Variants in ZNF846 observed in about 807,000 individuals in gnomAD.
ZNF846 encodes the protein zinc finger protein 846.
ZNF846 carries 15 observed loss-of-function variants against 16.0 expected under a neutral mutation model. That is an observed-to-expected ratio of 0.94 (90% CI 0.63 to 1.45). The LOEUF (loss-of-function observed/expected upper bound fraction) is 1.45. ZNF846 is among the 40% of genes most tolerant of loss of function. The pLI, the probability that ZNF846 is intolerant of heterozygous loss-of-function variation, is 0.00. For synonymous variants in ZNF846, 229 were observed against 212.0 expected (o/e 1.08, Z -0.70); for missense variants, 714 against 622.3 (o/e 1.15, Z -1.57).
exon 6 of ZNF846, chr19:9,757,622 T>G: frequency 1.2e-6 from 2 of 1,613,688 alleles, no homozygotes; most frequent in Middle Eastern, 3.3e-4. Flanking sequence ...ACCTGAAGGC[T>G]TTCCCACATT....
chr19:9,777,165 A>G (rs1424295383), intron 1 of ZNF846, among the ~76,000 whole-genome samples: 2 of 151,000 alleles, frequency 1.3e-5, no homozygotes, highest in South Asian at 2.1e-4. Flanking sequence ...ACACACACAC[A>G]CACACACACA....
chr19:9,784,541 G>GA (rs1486529159), intron 1 of ZNF846, among the ~76,000 whole-genome samples: 3 of 152,146 alleles, frequency 2.0e-5, no homozygotes, highest in Non-Finnish European at 4.4e-5. Context: ...GGATGAGCAG[G>GA]AGACAGATGC....
chr19:9,760,911 A>C (rs2045216530), intron 4 of ZNF846, among the ~76,000 whole-genome samples: 1 of 151,302 alleles, frequency 6.6e-6, no homozygotes, highest in Admixed American at 6.6e-5. Context: ...AATGCTTTGA[A>C]ACTAGACCAA....
upstream of ZNF846, among the ~76,000 whole-genome samples, chr19:9,771,154 T>C (rs1046598300): frequency 1.3e-5 from 2 of 151,888 alleles, no homozygotes; most frequent in African/African-American, 4.8e-5. Context: ...GTCCCCAAAG[T>C]GCATTCTTTC....
Position 9,765,054 on chromosome 19 carries a change from G to A in ZNF846, c.-85-19C>T. 2 of 1,273,734 alleles carry A rather than the reference G, an allele frequency of 1.6e-6. No individual in the cohort carries two copies. Among genetic ancestry groups the A allele is most frequent in the Non-Finnish European group, 1.1e-6 (1 of 872,486 alleles). 78.9% of individuals were successfully genotyped at this position (1,273,734 alleles called of 1,614,324 possible). On this transcript the variant is annotated intron_variant, in intron 1 of 5. Coordinates refer to ENST00000397902, the Ensembl canonical transcript of ZNF846. ...AAATGACCTTTGGAAAAGAATAATG[G>A]CATGTCAGTTGGATACATCAAAGAA...
At chr19:9,749,522 A>G (rs896720910), downstream of ZNF846, among the ~76,000 whole-genome samples, 2 of 148,992 alleles carry the variant, frequency 1.3e-5, no homozygotes, top group Admixed American at 6.7e-5. Flanking sequence ...ATACATTCCA[A>G]TTCTCCTATC....
At chr19:9,758,594 C>G in exon 6 of ZNF846, 1 of 1,612,680 alleles carries the variant, frequency 6.2e-7, no homozygotes, top group Non-Finnish European at 8.5e-7. Context: ...CATGACTTTT[C>G]TTGTAAAAAC....
At position 9,779,343 on chromosome 19, in the gene ZNF846, A is replaced by G. The variant is rs377108218; in HGVS notation, c.-86+6595T>C. 7.9e-5 allele frequency among the ~76,000 whole-genome samples: 12 copies of G among 152,158 alleles called. No homozygotes were observed. The East Asian group carries it at 2.1e-3, about 27-fold the overall frequency. ...GAGTGTAATAACACGATCATGGCTTACCGCAACCTCCGCCTCCCGGGTTCA... is the reference window on the plus strand; with the variant it reads ...GAGTGTAATAACACGATCATGGCTTGCCGCAACCTCCGCCTCCCGGGTTCA... On this transcript the variant is annotated intron_variant, in intron 1 of 4. Coordinates refer to the ZNF846 transcript ENST00000586814.
At chr19:9,765,430 T>C (rs1021711772) in intron 1 of ZNF846, among the ~76,000 whole-genome samples, 2 of 151,828 alleles carry the variant, frequency 1.3e-5, no homozygotes, top group Admixed American at 6.6e-5. Flanking sequence ...CCCAGCACTT[T>C]GGGAGGCCGA....
intron 4 of ZNF846, among the ~76,000 whole-genome samples, chr19:9,761,088 A>G (rs1365517672): frequency 2.7e-5 from 4 of 148,398 alleles, no homozygotes; most frequent in Non-Finnish European, 5.9e-5. Flanking sequence ...AGTCCCAACT[A>G]CTCAGAAGGC....
At chr19:9,773,364 G>A (rs1266555782), upstream of ZNF846, among the ~76,000 whole-genome samples, 1 of 152,234 alleles carries the variant, frequency 6.6e-6, no homozygotes, top group East Asian at 1.9e-4. Context: ...CAGAAAAATA[G>A]AAATTAGTGA....
chr19:9,755,337 A>G (rs2045122640), downstream of ZNF846, among the ~76,000 whole-genome samples: 1 of 151,628 alleles, frequency 6.6e-6, no homozygotes, highest in Non-Finnish European at 1.5e-5. Flanking sequence ...ATGGACAGTA[A>G]GACACATAGA....
At chr19:9,777,993 A>G (rs1479416093) in intron 1 of ZNF846, among the ~76,000 whole-genome samples, 1 of 152,236 alleles carries the variant, frequency 6.6e-6, no homozygotes, top group African/African-American at 2.4e-5. Flanking sequence ...GAGTTACAGT[A>G]TTATCAGATT....
chr19:9,780,047 TG>T (rs2045485515), intron 1 of ZNF846, among the ~76,000 whole-genome samples: 2 of 135,360 alleles, frequency 1.5e-5, no homozygotes, highest in African/African-American at 5.9e-5. Context: ...CAGCTAATTT[TG>T]TTTTTTTTTT....
chr19:9,762,571 A>T (rs1230925134), intron 3 of ZNF846: 1 of 165,500 alleles, frequency 6.0e-6, no homozygotes, highest in Non-Finnish European at 1.3e-5. Context: ...CTGGAAAACC[A>T]AGTCCAACTT....
chr19:9,779,163 T>C (rs2045476289), intron 1 of ZNF846, among the ~76,000 whole-genome samples: 1 of 152,330 alleles, frequency 6.6e-6, no homozygotes, highest in Non-Finnish European at 1.5e-5. Context: ...ACGATTTAAC[T>C]CTGACATTTC....
intron 4 of ZNF846, among the ~76,000 whole-genome samples, 195 bp downstream of exon 4, chr19:9,761,887 G>C (rs765928863): frequency 2.4e-4 from 37 of 151,606 alleles, no homozygotes; most frequent in Non-Finnish European, 4.9e-4. Context: ...TCTGAGAACA[G>C]AAAAGAGGTT....
intron 1 of ZNF846, among the ~76,000 whole-genome samples, 176 bp from the exon 2 acceptor site, chr19:9,765,211 AAAAATCC>A (rs2045295740): frequency 6.6e-6 from 1 of 152,012 alleles, no homozygotes; most frequent in Admixed American, 6.6e-5. Context: ...TGTCTCTACT[AAAAATCC>A]AAAAAAACCA....
At chr19:9,750,542 C>T (rs998970139), downstream of ZNF846, among the ~76,000 whole-genome samples, 23 of 152,156 alleles carry the variant, frequency 1.5e-4, no homozygotes, top group Admixed American at 3.3e-4. Flanking sequence ...GGTTCTTCCA[C>T]GTACACCTGC....
Sources: allele counts gnomAD v4.1 joint callset (sites outside exome capture counted in the v4.1 genomes callset), GRCh38; gene constraint gnomAD v4.1.1; transcripts MANE v1.5; gene names NCBI Gene and HGNC (gene_info 2026-07-23, HGNC 2026-07-21).